The following NOSIP variants were observed in gnomAD, a reference collection of about 807,000 sequenced individuals.
NOSIP encodes nitric oxide synthase interacting protein, also known as nitric oxide synthase-interacting protein.
NOSIP carries 25 observed loss-of-function variants against 36.4 expected under a neutral mutation model. That is an observed-to-expected ratio of 0.69 (90% CI 0.50 to 0.96). The LOEUF (loss-of-function observed/expected upper bound fraction) is 0.96, where lower values mean the gene tolerates loss of function less well. Ranked by LOEUF, NOSIP falls within the 40% of genes least tolerant of loss-of-function variation. The pLI is 0.00. For missense variants in NOSIP, 370 were observed against 429.0 expected (o/e 0.86, Z 1.21); for synonymous variants, 187 against 179.2 (o/e 1.04, Z -0.35).
At chr19:49,562,188 C>T (rs1434029267) in intron 1 of NOSIP, among the ~76,000 whole-genome samples, 1 of 152,138 alleles carries the variant, frequency 6.6e-6, no homozygotes, top group Non-Finnish European at 1.5e-5. Context: ...ATAGCATGAT[C>T]TTGGCTCACT....
intron 8 of NOSIP, among the ~76,000 whole-genome samples, 159 bp from the exon 9 acceptor site, chr19:49,555,981 G>A (rs2080232559): frequency 6.7e-6 from 1 of 149,398 alleles, no homozygotes; most frequent in East Asian, 2.0e-4. Context: ...AGTGGGTACG[G>A]ATGGACAGGG....
chr19:49,557,193 C>A lies in NOSIP; in HGVS notation c.315G>T (p.Ala105=). The A allele has an allele frequency of 6.2e-7, 1 of 1,606,300 alleles. No homozygotes were observed. Among genetic ancestry groups the A allele is most frequent in the South Asian group, 1.1e-5 (1 of 89,490 alleles). Reference sequence around the variant, plus strand: ...AGCCCCGCACATGGTCCTGCGAGGCCGCCCGCTGAAGCTCCTTCTGCTCCT... The same window carrying A: ...AGCCCCGCACATGGTCCTGCGAGGCAGCCCGCTGAAGCTCCTTCTGCTCCT... The part of the protein sequence containing the change: ...RREEQKELQR[A]ASQDHVRGFL... The change falls in exon 5 of 9, where the codon GCG becomes GCT. Residue 105 remains alanine (A), a synonymous_variant. Coordinates refer to ENST00000596358, the MANE Select transcript of NOSIP (RefSeq NM_001270960.2).
At chr19:49,575,528 A>T (rs2080540725) in intron 1 of NOSIP, among the ~76,000 whole-genome samples, 1 of 152,238 alleles carries the variant, frequency 6.6e-6, no homozygotes, top group Admixed American at 6.5e-5. Context: ...ACCAGCTCTG[A>T]AGTAATCACC....
chr19:49,571,033 G>A (rs533507798), intron 1 of NOSIP, among the ~76,000 whole-genome samples: 5 of 152,128 alleles, frequency 3.3e-5, no homozygotes, highest in Non-Finnish European at 5.9e-5. Flanking sequence ...CTGGAGTGCA[G>A]TGGTGTGATC....
chr19:49,557,811 G>C, intron 4 of NOSIP: 1 of 987,994 alleles, frequency 1.0e-6, no homozygotes, highest in Non-Finnish European at 1.2e-6. Context: ...CAGTTGCCTG[G>C]GCGGTGCTGC....
At chr19:49,558,828 G>T in intron 4 of NOSIP, 69 bp downstream of exon 4, 3 of 1,231,004 alleles carry the variant, frequency 2.4e-6, no homozygotes, top group Non-Finnish European at 2.4e-6. Flanking sequence ...GGCTCTGAGT[G>T]GCTCTGCCTG....
rs200491222 is a variant in NOSIP at position 49,555,843 on chromosome 19, G to A, written c.835-21C>T. Reference sequence around the variant, plus strand: ...CCGCCCTGGGGGAGGTAGAGAGAAGGACGAGGTAGAGGCCGGCCCGGGGGT... The same window carrying A: ...CCGCCCTGGGGGAGGTAGAGAGAAGAACGAGGTAGAGGCCGGCCCGGGGGT... On this transcript the variant is annotated intron_variant, in intron 8 of 8. Transcript: ENST00000596358. 5,469 of 1,606,234 alleles carry A rather than the reference G, an allele frequency of 3.4e-3. 11 individuals carry two copies. Among genetic ancestry groups the A allele is most frequent in the Non-Finnish European group, 4.2e-3 (4,871 of 1,173,600 alleles).
rs2080229787 is a variant in NOSIP, at chr19:49,555,841, A to C, written c.835-19T>G. The C allele has an allele frequency of 2.5e-6, 4 of 1,606,422 alleles. No individual in the cohort carries two copies. The highest frequency in any genetic ancestry group is 2.6e-6 in the Non-Finnish European group (3 of 1,173,934). ...TACCGCCCTGGGGGAGGTAGAGAGA[A>C]GGACGAGGTAGAGGCCGGCCCGGGG... On this transcript the variant is annotated intron_variant, in intron 8 of 8. Transcript: ENST00000596358.
intron 1 of NOSIP, among the ~76,000 whole-genome samples, chr19:49,574,478 C>A (rs1316681983): frequency 6.6e-6 from 1 of 152,178 alleles, no homozygotes; most frequent in Non-Finnish European, 1.5e-5. Flanking sequence ...ATTCTTGCTA[C>A]TGGAAAATAC....
rs1385722912 is a variant in NOSIP, at chr19:49,559,950, G to C, written c.160C>G (p.His54Asp). The C allele has an allele frequency of 2.5e-6, 4 of 1,612,934 alleles. No homozygotes were observed. The highest frequency in any genetic ancestry group is 3.4e-6 in the Non-Finnish European group (4 of 1,179,248). Reference sequence around the variant, plus strand: ...CCAGCTCACGTGACAACAGGATCGTGGCAAGGCTGCAGGGAGAGACAACAG... The same window carrying C: ...CCAGCTCACGTGACAACAGGATCGTCGCAAGGCTGCAGGGAGAGACAACAG... ...DCCCLSLQPC[H>D]DPVVTPDGYL... The change falls in exon 3 of 9, where the codon CAC becomes GAC. Residue 54 changes from histidine to aspartate, a missense_variant. His to Asp is a moderately conservative substitution (Grantham distance 81). Transcript: ENST00000596358.
chr19:49,560,724 G>A lies in NOSIP; in HGVS notation c.-1-32C>T, dbSNP rs1251389039. The A allele has an allele frequency of 6.6e-7, 1 of 1,526,468 alleles. No homozygotes were observed. The highest frequency in any genetic ancestry group is 2.4e-5 in the East Asian group (1 of 42,186). The allele number at this position is 1,526,468 out of a possible 1,614,324, so 94.6% of individuals were successfully genotyped here. On this transcript the variant is annotated intron_variant, in intron 1 of 8. Transcript: ENST00000596358. This position sits in a 1 kb window ranked among gnomAD's most constrained non-coding sequence, Gnocchi z 4.6. ...AGGAAGGGACAGTGGCAGGACTGTG[G>A]TTACCGGAGGCAGGCAGCACAGGGA...
chr19:49,577,791 T>C (rs1469837055), intron 1 of NOSIP, among the ~76,000 whole-genome samples: 1 of 145,546 alleles, frequency 6.9e-6, no homozygotes, highest in South Asian at 2.1e-4. Context: ...AAAAGAAGTA[T>C]TGATACATGC....
At chr19:49,566,288 G>A (rs2080407372) in intron 1 of NOSIP, among the ~76,000 whole-genome samples, 1 of 152,086 alleles carries the variant, frequency 6.6e-6, no homozygotes, top group South Asian at 2.1e-4. Context: ...CCAAAGTGCT[G>A]GGATTACAGG....
chr19:49,557,851 G>A (rs1271719386), intron 4 of NOSIP: 1 of 988,062 alleles, frequency 1.0e-6, no homozygotes, highest in Non-Finnish European at 1.2e-6. Context: ...CCACCCAGCT[G>A]AGTGAGGAGG....
At chr19:49,579,385 G>A (rs900575305) in intron 1 of NOSIP, 1 of 152,166 alleles carries the variant, frequency 6.6e-6, no homozygotes, top group Non-Finnish European at 1.5e-5. Flanking sequence ...TCATGCTAAA[G>A]TTCCATGCTT....
intron 1 of NOSIP, among the ~76,000 whole-genome samples, chr19:49,576,884 C>CA (rs58441193): frequency 0.11 from 5,093 of 46,608 alleles, 310 homozygotes; most frequent in South Asian, 0.14. Flanking sequence ...AACTCTGTCT[C>CA]AAAAAAAAAA....
rs1176772547 is a variant in NOSIP at position 49,560,610 on chromosome 19, C to G, written c.70+12G>C. The G allele has an allele frequency of 2.5e-6, 4 of 1,575,320 alleles. No individual in the cohort carries two copies. In the Admixed American group the frequency reaches 7.3e-5, roughly 29 times the overall value. On this transcript the variant is annotated intron_variant, in intron 2 of 8. Transcript: ENST00000596358. This position sits in a 1 kb window ranked among gnomAD's most constrained non-coding sequence, Gnocchi z 4.6. ...CAGCCATGTCCCGCCTCTTCCCACC[C>G]CAGCCCTGCACCTGTGTCCTTCTTC...
intron 3 of NOSIP, chr19:49,559,510 CAA>C (rs112494970): frequency 7.8e-4 from 129 of 166,230 alleles, no homozygotes; most frequent in South Asian, 2.3e-3. Flanking sequence ...GACTCTGTCT[CAA>C]AAAAAAAAAA....
chr19:49,568,640 C>T (rs1390814491), intron 1 of NOSIP, among the ~76,000 whole-genome samples: 1 of 151,842 alleles, frequency 6.6e-6, no homozygotes, highest in East Asian at 1.9e-4. Context: ...TACAGCCACT[C>T]CAATAGAAAG....
Sources: allele counts gnomAD v4.1 joint callset (sites outside exome capture counted in the v4.1 genomes callset), GRCh38; gene constraint gnomAD v4.1.1; non-coding constraint Gnocchi (gnomAD v3.1); transcripts MANE v1.5; gene names NCBI Gene and HGNC (gene_info 2026-07-23, HGNC 2026-07-21).